Variants in BFSP1 observed in about 807,000 individuals in gnomAD.
The protein encoded by BFSP1 is filensin.
Under a neutral mutation model 43.9 loss-of-function variants are expected in BFSP1, and 38 were observed. The ratio of observed to expected loss-of-function variants is 0.87; its 90% CI spans 0.67 to 1.14. The LOEUF (loss-of-function observed/expected upper bound fraction) is 1.14, where lower values mean the gene tolerates loss of function less well. Among genes scored for constraint, BFSP1 ranks in the 50% most tolerant of loss-of-function variants. BFSP1 has a pLI of 0.00. For synonymous variants in BFSP1, 352 were observed against 354.8 expected, an observed-to-expected ratio of 0.99 and a Z score of 0.09; for missense variants, 850 against 875.1, an observed-to-expected ratio of 0.97 and a Z score of 0.36.
At chr20:17,545,444 G>T (rs761497312) in intron 1 of BFSP1, among the ~76,000 whole-genome samples, 1 of 152,234 alleles carries the variant, frequency 6.6e-6, no homozygotes, top group Non-Finnish European at 1.5e-5. Context: ...AATTCTTTAA[G>T]TAAAAGGCAT....
At chr20:17,529,808 C>T (rs2034495313) in intron 1 of BFSP1, among the ~76,000 whole-genome samples, 1 of 151,742 alleles carries the variant, frequency 6.6e-6, no homozygotes, top group South Asian at 2.1e-4. Context: ...CATTGCACAC[C>T]TGCTGGAGTG....
At chr20:17,542,317 T>C (rs1003577094) in intron 1 of BFSP1, among the ~76,000 whole-genome samples, 6 of 151,956 alleles carry the variant, frequency 3.9e-5, no homozygotes, top group Non-Finnish European at 4.4e-5. Context: ...TGGCCAAGCA[T>C]TGTGGCTCAT....
chr20:17,498,781 A>G, intron 6 of BFSP1, 39 bp downstream of exon 6: 1 of 1,595,870 alleles, frequency 6.3e-7, no homozygotes, highest in Non-Finnish European at 8.5e-7. Flanking sequence ...AGAGTTGTGG[A>G]AGGAATAAGT....
intron 1 of BFSP1, among the ~76,000 whole-genome samples, chr20:17,540,861 G>A (rs540597707): frequency 2.6e-5 from 4 of 152,120 alleles, no homozygotes; most frequent in South Asian, 2.1e-4. Context: ...AAGCCTACAG[G>A]TAGTAATAGT....
At chr20:17,515,962 G>A (rs2034191321) in intron 2 of BFSP1, among the ~76,000 whole-genome samples, 1 of 152,188 alleles carries the variant, frequency 6.6e-6, no homozygotes, top group Non-Finnish European at 1.5e-5. Flanking sequence ...CTGGCCATGA[G>A]ATGTAGGGAC....
At chr20:17,566,229 T>C (rs2035117683) in intron 1 of BFSP1, among the ~76,000 whole-genome samples, 1 of 152,060 alleles carries the variant, frequency 6.6e-6, no homozygotes, top group Non-Finnish European at 1.5e-5. Context: ...TGCTGTATAT[T>C]GACAGTGTTA....
At position 17,543,334 on chromosome 20, in the gene BFSP1, T is replaced by C. The variant is rs150887742; in HGVS notation, c.2+15354A>G. Reference sequence around the variant, plus strand: ...GTCATCCAGAGCCCATGAAATGTTGTCTTTCACATTAGGAATGAATATGCC... The same window carrying C: ...GTCATCCAGAGCCCATGAAATGTTGCCTTTCACATTAGGAATGAATATGCC... On this transcript the variant is annotated intron_variant, in intron 1 of 7. Coordinates refer to the BFSP1 transcript ENST00000377868. Among the ~76,000 whole-genome samples the C allele has an allele frequency of 4.0e-3, 612 of 152,364 alleles. 4 individuals are homozygous for C. Among genetic ancestry groups the C allele is most frequent in the Non-Finnish European group, 6.9e-3 (467 of 68,038 alleles).
chr20:17,499,139 GTTGT>G lies in BFSP1; in HGVS notation c.736-103_736-100del, dbSNP rs1016933271. On this transcript the variant is annotated intron_variant, in intron 5 of 7. Coordinates refer to ENST00000377873, the MANE Select transcript of BFSP1 (RefSeq NM_001195.5). ...AACCTGGACTCGGTGAATGTTTTATGTTGTTTGTGTGTTTCTCTGTCCATTCGAG... is the reference window on the plus strand; with the variant it reads ...AACCTGGACTCGGTGAATGTTTTATGTTGTGTGTTTCTCTGTCCATTCGAG... 6 of 1,046,286 alleles carry G rather than the reference GTTGT, an allele frequency of 5.7e-6. No individual in the cohort carries two copies. The African/African-American group carries it at 9.5e-5, about 17-fold the overall frequency. The allele number at this position is 1,046,286 out of a possible 1,614,324, so 64.8% of individuals were successfully genotyped here.
upstream of BFSP1, among the ~76,000 whole-genome samples, chr20:17,536,111 A>G (rs977667519): frequency 6.6e-6 from 1 of 152,182 alleles, no homozygotes; most frequent in Non-Finnish European, 1.5e-5. Context: ...GGAATATACT[A>G]TGATATAAAT....
rs116443182 is a variant in BFSP1 at position 17,548,303 on chromosome 20, C to T, written c.2+10385G>A. Among the ~76,000 whole-genome samples, 7 of 151,488 alleles carry T rather than the reference C, an allele frequency of 4.6e-5. No individual in the cohort carries two copies. In the East Asian group the frequency reaches 1.2e-3, roughly 25 times the overall value. On this transcript the variant is annotated intron_variant, in intron 1 of 7. Coordinates refer to the BFSP1 transcript ENST00000377868. Reference sequence around the variant, plus strand: ...TTTTTATTAAAAACAAATTATGGTACGATCAATTTATTTACAAAATAAGTT... The same window carrying T: ...TTTTTATTAAAAACAAATTATGGTATGATCAATTTATTTACAAAATAAGTT...
chr20:17,552,533 T>C (rs1312290196), intron 1 of BFSP1, among the ~76,000 whole-genome samples: 1 of 152,222 alleles, frequency 6.6e-6, no homozygotes, highest in African/African-American at 2.4e-5. Flanking sequence ...CTTAACAGCA[T>C]GGCTTTCATG....
Position 17,496,998 on chromosome 20 carries a change from G to C in BFSP1, c.982C>G (p.Pro328Ala). The C allele has an allele frequency of 6.5e-7, 1 of 1,542,192 alleles. No homozygotes were observed. The highest frequency in any genetic ancestry group is 1.7e-4 in the Middle Eastern group (1 of 5,972). ...TGGCTCTGGGTGAACAGGGGAATGG[G>C]AGTTTCAATGAAGGCAGAGGTCAGC... Reference protein sequence around the residue: ...NRLTSAFIETPIPLFTQSHGV... With the variant: ...NRLTSAFIETAIPLFTQSHGV... The change falls in exon 7 of 8, where the codon CCC becomes GCC. Residue 328 changes from proline to alanine, a missense_variant. By Grantham distance (27) the Pro-to-Ala change is conservative. Transcript: ENST00000377873.
chr20:17,562,561 A>G (rs1427886441), upstream of BFSP1, among the ~76,000 whole-genome samples: 2 of 151,354 alleles, frequency 1.3e-5, no homozygotes, highest in Admixed American at 6.6e-5. Context: ...AAGAATCCCA[A>G]AGGGAATATA....
intron 4 of BFSP1, among the ~76,000 whole-genome samples, chr20:17,511,117 CTATA>C (rs11470474): frequency 4.0e-5 from 6 of 150,942 alleles, no homozygotes; most frequent in African/African-American, 9.7e-5. Flanking sequence ...CAGCACCAGT[CTATA>C]TATATATATA....
intron 2 of BFSP1, among the ~76,000 whole-genome samples, chr20:17,519,272 T>A (rs1302271743): frequency 6.6e-6 from 1 of 152,224 alleles, no homozygotes; most frequent in African/African-American, 2.4e-5. Context: ...GTCCTCAAAC[T>A]TTTGTTAAGC....
At chr20:17,503,112 ATCCTGGGCTCAAGTGG>A (rs2033842417) in intron 5 of BFSP1, among the ~76,000 whole-genome samples, 1 of 152,188 alleles carries the variant, frequency 6.6e-6, no homozygotes, top group Non-Finnish European at 1.5e-5. Context: ...AAGCCTCCAC[ATCCTGGGCTCAAGTGG>A]TCCCCACACC....
upstream of BFSP1, among the ~76,000 whole-genome samples, chr20:17,560,974 C>G (rs1420191192): frequency 6.6e-6 from 1 of 152,164 alleles, no homozygotes; most frequent in Non-Finnish European, 1.5e-5. Flanking sequence ...TAGAAAAACT[C>G]TCTTGTTTTT....
At chr20:17,502,740 T>G (rs978438203) in intron 5 of BFSP1, among the ~76,000 whole-genome samples, 1 of 152,188 alleles carries the variant, frequency 6.6e-6, no homozygotes, top group Non-Finnish European at 1.5e-5. Flanking sequence ...GTGATCCAGT[T>G]TCTGTTTCTC....
At chr20:17,553,794 TACACACACACACACACACACACACACAC>T (rs144515006) in intron 1 of BFSP1, among the ~76,000 whole-genome samples, 29 of 104,944 alleles carry the variant, frequency 2.8e-4, no homozygotes, top group East Asian at 7.9e-4. Context: ...TATATATATA[TACACACACACACACACACACACACACAC>T]ACATATATAT....
Sources: allele counts gnomAD v4.1 joint callset (sites outside exome capture counted in the v4.1 genomes callset), GRCh38; gene constraint gnomAD v4.1.1; transcripts MANE v1.5; gene names NCBI Gene and HGNC (gene_info 2026-07-23, HGNC 2026-07-21).